Variants in CSMD1 observed in about 807,000 individuals in gnomAD.
The protein encoded by CSMD1 is CUB and Sushi multiple domains 1.
In CSMD1, 213 loss-of-function variants were observed where a neutral mutation model predicts 417.5. The ratio of observed to expected loss-of-function variants is 0.51; its 90% CI spans 0.46 to 0.57. The LOEUF is 0.57. Among genes scored for constraint, CSMD1 ranks in the 20% least tolerant of loss-of-function variants. The pLI is 0.00. For missense variants in CSMD1, 6,923 were observed against 4,529.7 expected, an observed-to-expected ratio of 1.53 and a Z score of -15.17; for synonymous variants, 2,862 against 1,736.8, an observed-to-expected ratio of 1.65 and a Z score of -16.11.
intron 3 of CSMD1, among the ~76,000 whole-genome samples, chr8:4,182,027 T>TGTGTGTGTGTGTGTGTGG (rs1309959378): frequency 1.7e-5 from 2 of 116,576 alleles, no homozygotes; most frequent in East Asian, 2.3e-4. Context: ...TACACACCCG[T>TGTGTGTGTGTGTGTGTGG]GTGTGTGTGT....
intron 5 of CSMD1, among the ~76,000 whole-genome samples, chr8:3,786,185 T>G (rs1167021818): frequency 1.3e-5 from 2 of 152,104 alleles, no homozygotes; most frequent in African/African-American, 4.8e-5. Context: ...GATTGGGACA[T>G]GAGATCTCCC....
At chr8:3,149,650 G>C (rs1471955712) in intron 40 of CSMD1, among the ~76,000 whole-genome samples, 3 of 152,026 alleles carry the variant, frequency 2.0e-5, no homozygotes, top group Non-Finnish European at 4.4e-5. Context: ...GCTAAGTTTT[G>C]TATTTTTAGT....
intron 3 of CSMD1, among the ~76,000 whole-genome samples, chr8:4,253,979 C>A (rs369003548): frequency 7.8e-6 from 1 of 127,926 alleles, no homozygotes; most frequent in Non-Finnish European, 1.6e-5. Flanking sequence ...TGCAGTGGTG[C>A]GATCTCGGCT....
intron 2 of CSMD1, among the ~76,000 whole-genome samples, chr8:4,442,894 C>T (rs1376517019): frequency 3.3e-5 from 5 of 152,052 alleles, no homozygotes; most frequent in African/African-American, 1.2e-4. Context: ...TTACAGTGAA[C>T]AGATGTTTAT....
chr8:4,964,500 T>A (rs1419753253), intron 1 of CSMD1, among the ~76,000 whole-genome samples: 2 of 9,894 alleles, frequency 2.0e-4, no homozygotes, highest in Admixed American at 1.7e-3. Flanking sequence ...AGACCCTGTC[T>A]CCAAAAAAAA....
intron 6 of CSMD1, among the ~76,000 whole-genome samples, chr8:3,746,439 G>A (rs558749942): frequency 6.6e-6 from 1 of 152,240 alleles, no homozygotes; most frequent in Non-Finnish European, 1.5e-5. Context: ...AGAAAGGAAG[G>A]ATTTAAAGTG....
At chr8:4,808,714 C>A (rs1798724743) in intron 1 of CSMD1, among the ~76,000 whole-genome samples, 1 of 152,160 alleles carries the variant, frequency 6.6e-6, no homozygotes. Context: ...CTTGAACACG[C>A]CCACTCAGAA....
rs556525863 is a variant in CSMD1, at chr8:3,951,567, G to T, written c.818+46336C>A. 2.6e-4 allele frequency among the ~76,000 whole-genome samples: 40 copies of T among 152,042 alleles called. No individual in the cohort carries two copies. In the South Asian group the frequency reaches 7.9e-3, roughly 30 times the overall value. Reference sequence around the variant, plus strand: ...TATCTAAGTAAAATACATCGCCAAAGATATGAATCATCATAGAAAACAACG... The same window carrying T: ...TATCTAAGTAAAATACATCGCCAAATATATGAATCATCATAGAAAACAACG... On this transcript the variant is annotated intron_variant, in intron 5 of 69. Coordinates refer to ENST00000635120, the MANE Select transcript of CSMD1 (RefSeq NM_033225.6).
At chr8:2,961,465 T>C (rs527529265) in intron 61 of CSMD1, among the ~76,000 whole-genome samples, 1 of 151,666 alleles carries the variant, frequency 6.6e-6, no homozygotes, top group East Asian at 1.9e-4. Flanking sequence ...GTGCATTTTT[T>C]TTCCATTCTC....
At chr8:3,003,746 C>G (rs1421943669) in intron 52 of CSMD1, among the ~76,000 whole-genome samples, 1 of 152,168 alleles carries the variant, frequency 6.6e-6, no homozygotes, top group Non-Finnish European at 1.5e-5. Context: ...GGAAGGAACA[C>G]TCAGCCATGC....
At chr8:4,562,549 C>G (rs1192226971) in intron 2 of CSMD1, among the ~76,000 whole-genome samples, 1 of 152,134 alleles carries the variant, frequency 6.6e-6, no homozygotes, top group Non-Finnish European at 1.5e-5. Context: ...AATAAGTATA[C>G]ATGAAATGGA....
chr8:3,177,810 G>C (rs991601741), intron 37 of CSMD1, among the ~76,000 whole-genome samples: 2 of 152,156 alleles, frequency 1.3e-5, no homozygotes, highest in African/African-American at 2.4e-5. Context: ...TGTACACCTT[G>C]AGGTCAGGCT....
At position 3,076,185 on chromosome 8, in the gene CSMD1, G is replaced by A. The variant is rs138337447; in HGVS notation, c.7474+10912C>T. The stretch of plus-strand genomic sequence containing the variant: ...GGATTTTCTCACAGTCCTGGAGGCC[G>A]GAAGTCCCACCGCAGGTGTCGGCGG... On this transcript the variant is annotated intron_variant, in intron 49 of 69. Transcript: ENST00000635120. Among the ~76,000 whole-genome samples, 1,522 of 152,274 alleles carry A rather than the reference G, an allele frequency of 1.0e-2. 23 individuals are homozygous for A. Among genetic ancestry groups the A allele is most frequent in the African/African-American group, 0.035 (1,434 of 41,534 alleles).
intron 1 of CSMD1, among the ~76,000 whole-genome samples, chr8:4,678,756 C>T (rs549749382): frequency 6.6e-6 from 1 of 152,136 alleles, no homozygotes; most frequent in Non-Finnish European, 1.5e-5. Flanking sequence ...TAAATATCTA[C>T]AGGAAAGTTG....
At chr8:4,166,651 C>T (rs915015194) in intron 3 of CSMD1, among the ~76,000 whole-genome samples, 1 of 152,048 alleles carries the variant, frequency 6.6e-6, no homozygotes, top group Admixed American at 6.6e-5. Context: ...ATATTGGGTA[C>T]CGTGTACACT....
In CSMD1 at chr8:4,090,286, A is replaced by G. The variant is rs188262138; in HGVS notation, c.416-58187T>C. Among the ~76,000 whole-genome samples the G allele has an allele frequency of 3.5e-3, 535 of 152,320 alleles. 1 individual carries two copies. The highest frequency in any genetic ancestry group is 4.9e-3 in the Non-Finnish European group (331 of 68,032). On this transcript the variant is annotated intron_variant, in intron 3 of 69. Coordinates refer to ENST00000635120, the MANE Select transcript of CSMD1 (RefSeq NM_033225.6). Reference sequence around the variant, plus strand: ...CAAAGAGCTTAGATTCTAATTAAGGAAAGTTAAAGCCACTAGGTAATATCG... The same window carrying G: ...CAAAGAGCTTAGATTCTAATTAAGGGAAGTTAAAGCCACTAGGTAATATCG...
chr8:3,748,339 C>T (rs534905643), intron 6 of CSMD1, among the ~76,000 whole-genome samples: 2 of 152,192 alleles, frequency 1.3e-5, no homozygotes, highest in South Asian at 4.2e-4. Context: ...AACAATACTT[C>T]ATGCATCCAT....
intron 5 of CSMD1, among the ~76,000 whole-genome samples, chr8:3,789,402 AAGTAAGTTTTTTTTTTTT>A (rs1411774728): frequency 1.0e-4 from 2 of 19,936 alleles, no homozygotes; most frequent in Non-Finnish European, 2.5e-4. Flanking sequence ...TTTTTTTTTT[AAGTAAGTTTTTTTTTTTT>A]AAGTAGTGTT....
At chr8:3,090,147 T>C (rs1814835795) in intron 48 of CSMD1, among the ~76,000 whole-genome samples, 1 of 151,488 alleles carries the variant, frequency 6.6e-6, no homozygotes, top group Non-Finnish European at 1.5e-5. Flanking sequence ...ACCCCGACTC[T>C]ACTAAAAAAA....
Sources: gnomAD v4.1 joint callset for allele counts (sites outside exome capture counted in the v4.1 genomes callset) on GRCh38, gnomAD v4.1.1 for gene constraint, MANE v1.5 for transcripts, NCBI Gene and HGNC (gene_info 2026-07-23, HGNC 2026-07-21) for gene names.